Variants in ANO10 observed in about 807,000 individuals in gnomAD.
ANO10 encodes anoctamin 10, also known as anoctamin-10.
In ANO10, 77 loss-of-function variants were observed where a neutral mutation model predicts 74.7. The ratio of observed to expected loss-of-function variants is 1.03; its 90% CI spans 0.86 to 1.25. The LOEUF (loss-of-function observed/expected upper bound fraction) is 1.25. Ranked by LOEUF, ANO10 falls within the 50% of genes most tolerant of loss-of-function variation. The pLI is 0.00. For synonymous variants in ANO10, 279 were observed against 284.9 expected, an observed-to-expected ratio of 0.98 and a Z score of 0.21; for missense variants, 721 against 778.1, an observed-to-expected ratio of 0.93 and a Z score of 0.87.
chr3:43,624,242 G>A (rs2083473130), upstream of ANO10, among the ~76,000 whole-genome samples: 1 of 152,120 alleles, frequency 6.6e-6, no homozygotes, highest in South Asian at 2.1e-4. Flanking sequence ...ACTGAACCCT[G>A]TATATATTAT....
intron 12 of ANO10, among the ~76,000 whole-genome samples, chr3:43,393,443 C>T (rs1455354960): frequency 6.6e-6 from 1 of 152,192 alleles, no homozygotes; most frequent in Non-Finnish European, 1.5e-5. Context: ...TTTACTTATA[C>T]CCTCTCTGGC....
At chr3:43,682,754 T>C (rs989952140) in intron 1 of ANO10, among the ~76,000 whole-genome samples, 2 of 152,240 alleles carry the variant, frequency 1.3e-5, no homozygotes, top group African/African-American at 2.4e-5. Flanking sequence ...GCTTCATCCC[T>C]GGGATGGAAG....
At chr3:43,632,661 G>A (rs1241686908) in intron 1 of ANO10, among the ~76,000 whole-genome samples, 2 of 152,200 alleles carry the variant, frequency 1.3e-5, no homozygotes, top group African/African-American at 4.8e-5. Flanking sequence ...CTGATGCATT[G>A]GACATGTTTT....
intron 11 of ANO10, among the ~76,000 whole-genome samples, chr3:43,522,890 G>T (rs928885296): frequency 6.6e-6 from 1 of 152,076 alleles, no homozygotes; most frequent in Admixed American, 6.6e-5. Flanking sequence ...CTGCCTCTTG[G>T]GGTCCAAAAG....
chr3:43,663,733 T>C (rs1488247450), intron 1 of ANO10, among the ~76,000 whole-genome samples: 1 of 152,022 alleles, frequency 6.6e-6, no homozygotes, highest in African/African-American at 2.4e-5. Context: ...CAAGCATTCC[T>C]ATACACCAGT....
At position 43,503,877 on chromosome 3, in the gene ANO10, AG is replaced by A. The variant is rs568003061; in HGVS notation, c.1797+45842del. Among the ~76,000 whole-genome samples the A allele has an allele frequency of 1.5e-4, 23 of 152,288 alleles. No homozygotes were observed. The South Asian group carries it at 4.6e-3, about 30-fold the overall frequency. On this transcript the variant is annotated intron_variant, in intron 11 of 12. Transcript: ENST00000292246. ...ATTTTTATGATTTGAAGGCTGAGAG[AG>A]GATTTTTTTTTTCACAGTATAGCAA...
intron 1 of ANO10, among the ~76,000 whole-genome samples, chr3:43,667,967 G>C (rs922947777): frequency 2.0e-5 from 3 of 152,138 alleles, no homozygotes; most frequent in African/African-American, 7.2e-5. Context: ...TAGTGGGATT[G>C]CTAGATCAAA....
At chr3:43,425,362 C>T (rs374848633) in intron 12 of ANO10, among the ~76,000 whole-genome samples, 22 of 151,184 alleles carry the variant, frequency 1.5e-4, no homozygotes, top group African/African-American at 5.3e-4. Context: ...ACAAATGGAG[C>T]GGGGGGAAGA....
chr3:43,601,904 A>T (rs1261081378), intron 2 of ANO10, among the ~76,000 whole-genome samples: 1 of 152,202 alleles, frequency 6.6e-6, no homozygotes, highest in Non-Finnish European at 1.5e-5. Flanking sequence ...TTTGAAGAAC[A>T]GGGTTGACCG....
intron 12 of ANO10, among the ~76,000 whole-genome samples, chr3:43,419,788 T>A (rs1465139019): frequency 6.6e-6 from 1 of 152,240 alleles, no homozygotes; most frequent in Non-Finnish European, 1.5e-5. Flanking sequence ...AGTGCTGGGA[T>A]GACAGGCGTG....
At chr3:43,659,331 G>C (rs2083893317) in intron 1 of ANO10, among the ~76,000 whole-genome samples, 1 of 152,096 alleles carries the variant, frequency 6.6e-6, no homozygotes, top group South Asian at 2.1e-4. Context: ...ACTGTACCTG[G>C]AGGAATGATA....
At chr3:43,609,296 A>C (rs2082704618) in intron 1 of ANO10, among the ~76,000 whole-genome samples, 1 of 152,238 alleles carries the variant, frequency 6.6e-6, no homozygotes, top group South Asian at 2.1e-4. Flanking sequence ...TCTACCATAC[A>C]ACTCTGTTGA....
chr3:43,548,741 T>C (rs1165795085), intron 11 of ANO10, among the ~76,000 whole-genome samples: 1 of 152,216 alleles, frequency 6.6e-6, no homozygotes, highest in Non-Finnish European at 1.5e-5. Flanking sequence ...GAAAGGTGGT[T>C]ACAATATTCT....
At chr3:43,622,990 T>C (rs1575567423), upstream of ANO10, among the ~76,000 whole-genome samples, 2 of 152,190 alleles carry the variant, frequency 1.3e-5, no homozygotes. Context: ...CTCAGCCTCC[T>C]GAGTAGCTGG....
chr3:43,425,255 C>T (rs1448482359), intron 12 of ANO10, among the ~76,000 whole-genome samples: 1 of 141,138 alleles, frequency 7.1e-6, no homozygotes, highest in Admixed American at 7.4e-5. Context: ...GTTGCCCAGG[C>T]TGGTCTCAAG....
intron 10 of ANO10, among the ~76,000 whole-genome samples, chr3:43,553,363 A>T (rs879682287): frequency 6.6e-6 from 1 of 152,078 alleles, no homozygotes; most frequent in Non-Finnish European, 1.5e-5. Context: ...CACATTTAAA[A>T]AGTTCTTAGC....
intron 11 of ANO10, among the ~76,000 whole-genome samples, chr3:43,495,655 A>T (rs982720239): frequency 6.6e-5 from 10 of 152,166 alleles, no homozygotes; most frequent in African/African-American, 2.4e-4. Flanking sequence ...AGGAAATTGA[A>T]CCTAATGCCA....
At chr3:43,510,007 C>CA (rs2077449891) in intron 11 of ANO10, among the ~76,000 whole-genome samples, 1 of 151,994 alleles carries the variant, frequency 6.6e-6, no homozygotes, top group African/African-American at 2.4e-5. Context: ...ATTTTGGAGA[C>CA]AGAGAACAGA....
chr3:43,372,913 G>A lies in ANO10; in HGVS notation c.1915-5939C>T, dbSNP rs1042959132. ...CTCAGTGTAATTCCGATGAACTTGT[G>A]AAGCCTCTTTTTTTCATGCGTATGA... is the stretch of plus-strand genomic sequence containing the variant. On this transcript the variant is annotated intron_variant, in intron 12 of 12. Coordinates refer to ENST00000292246, the MANE Select transcript of ANO10 (RefSeq NM_018075.5). 3.4e-6 allele frequency: 5 copies of A among 1,474,244 alleles called. No individual in the cohort carries two copies. The East Asian group carries it at 1.0e-4, about 29-fold the overall frequency. 91.3% of individuals were successfully genotyped at this position (1,474,244 alleles called of 1,614,324 possible).
Sources: gnomAD v4.1 joint callset for allele counts (sites outside exome capture counted in the v4.1 genomes callset) on GRCh38, gnomAD v4.1.1 for gene constraint, MANE v1.5 for transcripts, NCBI Gene and HGNC (gene_info 2026-07-23, HGNC 2026-07-21) for gene names.